The following SELP variants were observed in gnomAD, a reference collection of about 807,000 sequenced individuals.
SELP encodes the protein selectin P, also known as P-selectin.
A neutral mutation model predicts 104.1 loss-of-function variants in SELP; 92 were observed. The observed-to-expected ratio is 0.88, with a 90% CI of 0.75 to 1.05. The LOEUF (loss-of-function observed/expected upper bound fraction) is 1.05, where lower values mean the gene tolerates loss of function less well. Among genes scored for constraint, SELP ranks in the 50% least tolerant of loss-of-function variants. The pLI is 0.00. For synonymous variants in SELP, 397 were observed against 364.5 expected (o/e 1.09, Z -1.01); for missense variants, 1,022 against 1,017.3 (o/e 1.00, Z -0.06).
At chr1:169,606,413 G>T (rs3917754) in intron 9 of SELP, among the ~76,000 whole-genome samples, 3,565 of 152,322 alleles carry the variant, frequency 0.023, 125 homozygotes, top group African/African-American at 0.076. Flanking sequence ...CCAGTATACA[G>T]ATTAGTTTTT....
intron 9 of SELP, among the ~76,000 whole-genome samples, chr1:169,603,899 C>T (rs560296001): frequency 2.6e-5 from 4 of 152,274 alleles, no homozygotes; most frequent in South Asian, 2.1e-4. Flanking sequence ...TGAATAGTGC[C>T]GCAATAAACA....
chr1:169,596,818 A>G (rs954747789), intron 11 of SELP, among the ~76,000 whole-genome samples, 173 bp downstream of exon 11: 3 of 152,270 alleles, frequency 2.0e-5, no homozygotes, highest in Non-Finnish European at 2.9e-5. Context: ...ATTCACAAAC[A>G]TAAAAATATC....
At chr1:169,610,093 T>C (rs1662437303) in intron 7 of SELP, among the ~76,000 whole-genome samples, 2 of 152,002 alleles carry the variant, frequency 1.3e-5, no homozygotes, top group South Asian at 2.1e-4. Context: ...GAGTGTTTTG[T>C]ACATTGAAAG....
Position 169,617,340 on chromosome 1 carries a change from G to A in SELP, c.169C>T (p.Arg57Cys), listed in dbSNP as rs774104602. Residue 57 changes from arginine (R) to cysteine (C), a missense_variant, in exon 3 of 17, where the codon CGT becomes TGT. Physicochemically the swap from Arg to Cys is radical, Grantham distance 180. Coordinates refer to ENST00000263686, the MANE Select transcript of SELP (RefSeq NM_003005.4). ...GTGTAGCGATTCTGGCAGTATTTAC[G>A]GGAAATATTCCATGAGTATGCTTTT... ...STKAYSWNIS[R>C]KYCQNRYTDL... is the part of the protein sequence containing the mutation. 3.7e-6 allele frequency: 6 copies of A among 1,613,980 alleles called. No individual in the cohort carries two copies. The highest frequency in any genetic ancestry group is 2.2e-5 in the East Asian group (1 of 44,878).
At chr1:169,623,927 T>C (rs2101930577) in intron 1 of SELP, among the ~76,000 whole-genome samples, 1 of 152,348 alleles carries the variant, frequency 6.6e-6, no homozygotes, top group Non-Finnish European at 1.5e-5. Context: ...CAGTTATTCT[T>C]ATTCTTCCAG....
At chr1:169,619,286 A>C in intron 1 of SELP, 67 bp from the exon 2 acceptor site, 1 of 1,143,032 alleles carries the variant, frequency 8.7e-7, no homozygotes, top group Non-Finnish European at 1.3e-6. Flanking sequence ...AAATAATTCT[A>C]GTTAACAATC....
In SELP at chr1:169,611,554, C is replaced by T; in HGVS notation, c.1085G>A (p.Gly362Asp). The T allele has an allele frequency of 1.2e-6, 2 of 1,614,114 alleles. No individual in the cohort carries two copies. Among genetic ancestry groups the T allele is most frequent in the Non-Finnish European group, 1.7e-6 (2 of 1,179,998 alleles). The change falls in exon 7 of 17, where the codon GGC (glycine) becomes GAC (aspartate). Residue 362 changes from glycine (G) to aspartate (D), a missense_variant. Transcript: ENST00000263686. Reference protein sequence around the residue: ...FECQPGYRVRGLDMLRCIDSG... With the variant: ...FECQPGYRVRDLDMLRCIDSG... ...GTCAATGCAGCGGAGCATGTCCAAG[C>T]CCCTCACTCTGTAGCCGGGCTGGCA...
intron 1 of SELP, among the ~76,000 whole-genome samples, chr1:169,627,079 T>C (rs1258948657): frequency 1.3e-5 from 2 of 152,124 alleles, no homozygotes; most frequent in South Asian, 4.1e-4. Context: ...AGGGACAGGT[T>C]TGGTCTGGCA....
At chr1:169,622,595 A>G (rs1167802705) in intron 1 of SELP, among the ~76,000 whole-genome samples, 1 of 152,210 alleles carries the variant, frequency 6.6e-6, no homozygotes, top group Non-Finnish European at 1.5e-5. Flanking sequence ...ATAAAGGTTT[A>G]AGTTACTTGT....
chr1:169,606,826 G>A (rs775336406), intron 9 of SELP, 123 bp downstream of exon 9: 4 of 858,638 alleles, frequency 4.7e-6, no homozygotes, highest in Non-Finnish European at 7.3e-6. Flanking sequence ...ATGAGTGAGA[G>A]TATTTATGAA....
At chr1:169,603,598 C>T (rs1217079085) in intron 9 of SELP, among the ~76,000 whole-genome samples, 2 of 152,096 alleles carry the variant, frequency 1.3e-5, no homozygotes, top group African/African-American at 4.8e-5. Flanking sequence ...CCCTTGATAC[C>T]TTCTTCAGAA....
chr1:169,610,047 G>C (rs1662435890), intron 7 of SELP, among the ~76,000 whole-genome samples: 1 of 152,084 alleles, frequency 6.6e-6, no homozygotes, highest in African/African-American at 2.4e-5. Context: ...TCGAAGTTGG[G>C]CTCAGTCATT....
chr1:169,594,947 G>T (rs747146843), intron 12 of SELP, 70 bp from the exon 13 acceptor site: 20 of 1,396,750 alleles, frequency 1.4e-5, no homozygotes, highest in Non-Finnish European at 2.0e-5. Context: ...AGTTTCTTTT[G>T]TAACCTAACA....
At chr1:169,610,932 G>A (rs1358315291) in intron 7 of SELP, among the ~76,000 whole-genome samples, 1 of 152,166 alleles carries the variant, frequency 6.6e-6, no homozygotes, top group Non-Finnish European at 1.5e-5. Flanking sequence ...TAGTAGCAGG[G>A]TTGGGCTTGT....
intron 1 of SELP, among the ~76,000 whole-genome samples, chr1:169,624,312 C>T (rs141768304): frequency 6.6e-6 from 1 of 152,326 alleles, no homozygotes; most frequent in African/African-American, 2.4e-5. Context: ...GAAGCATCCA[C>T]ATGCTCTGCT....
At chr1:169,596,423 A>G (rs1382530746) in intron 11 of SELP, among the ~76,000 whole-genome samples, 2 of 152,246 alleles carry the variant, frequency 1.3e-5, no homozygotes, top group Admixed American at 1.3e-4. Context: ...GTACAGAAAT[A>G]TAAGAAATTC....
At chr1:169,630,050 A>G (rs764769375) in intron 1 of SELP, 22 bp downstream of exon 1, 5 of 1,614,130 alleles carry the variant, frequency 3.1e-6, no homozygotes, top group Non-Finnish European at 4.2e-6. Context: ...ACCACTTCCC[A>G]TGCAGAAAAA....
rs780495584 is a variant in SELP, at chr1:169,617,118, A to G, written c.391T>C (p.Cys131Arg). Residue 131 changes from cysteine to arginine, a missense_variant, in exon 3 of 17, where the codon TGC (cysteine) becomes CGC (arginine). Coordinates refer to ENST00000263686, the MANE Select transcript of SELP (RefSeq NM_003005.4). ...GGACTCTTGATGTATATCTCCACGCAGTCCTCGTTGTTCCTTTTGTTGTTA... is the reference window on the plus strand; with the variant it reads ...GGACTCTTGATGTATATCTCCACGCGGTCCTCGTTGTTCCTTTTGTTGTTA... ...EPNNKRNNED[C>R]VEIYIKSPSA... is the part of the protein sequence containing the mutation. The G allele has an allele frequency of 6.2e-7, 1 of 1,614,070 alleles. No individual in the cohort carries two copies. Among genetic ancestry groups the G allele is most frequent in the Non-Finnish European group, 8.5e-7 (1 of 1,179,998 alleles).
In SELP at chr1:169,612,385, G is replaced by A; in HGVS notation, c.793C>T (p.Leu265=). 6.2e-7 allele frequency: 1 copy of A among 1,614,092 alleles called. No homozygotes were observed. Among genetic ancestry groups the A allele is most frequent in the Non-Finnish European group, 8.5e-7 (1 of 1,179,982 alleles). ...ATGTTTCCTCGTTCAGGAATCTTCA[G>A]GGGTGGGCACTGGGCAGCTAAAACC... ...PQCLAAQCPP[L]KIPERGNMTC... is the part of the protein sequence containing the mutation. The change falls in exon 6 of 17, where the codon CTG becomes TTG. Residue 265 remains leucine (L), a synonymous_variant. Transcript: ENST00000263686.
Sources: gnomAD v4.1 joint callset for allele counts (sites outside exome capture counted in the v4.1 genomes callset) on GRCh38, gnomAD v4.1.1 for gene constraint, MANE v1.5 for transcripts, NCBI Gene and HGNC (gene_info 2026-07-23, HGNC 2026-07-21) for gene names.